Variants in TMPRSS9 observed in about 807,000 individuals in gnomAD.
The protein encoded by TMPRSS9 is transmembrane protease serine 9.
Under a neutral mutation model 111.4 loss-of-function variants are expected in TMPRSS9, and 113 were observed. The observed-to-expected ratio is 1.01, with a 90% CI of 0.87 to 1.19. The LOEUF is 1.19. Among genes scored for constraint, TMPRSS9 ranks in the 50% most tolerant of loss-of-function variants. The pLI, the probability that TMPRSS9 is intolerant of heterozygous loss-of-function variation, is 0.00. For synonymous variants in TMPRSS9, 805 were observed against 659.1 expected, an observed-to-expected ratio of 1.22 and a Z score of -3.39; for missense variants, 1,803 against 1,513.1, an observed-to-expected ratio of 1.19 and a Z score of -3.18.
At chr19:2,365,988 A>T (rs1226078413) in intron 1 of TMPRSS9, among the ~76,000 whole-genome samples, 2 of 151,762 alleles carry the variant, frequency 1.3e-5, no homozygotes, top group East Asian at 1.9e-4. Flanking sequence ...AATAATTTTA[A>T]AAAAGAGATG....
chr19:2,408,777 C>T, intron 8 of TMPRSS9, 147 bp downstream of exon 9: 3 of 996,778 alleles, frequency 3.0e-6, no homozygotes, highest in South Asian at 1.7e-5. Context: ...GCGTTTGAGA[C>T]CAGCCTGGCC....
rs368599064 is a variant in TMPRSS9, at chr19:2,416,764, C to T, written c.1972C>T (p.Arg658Trp). ...GGCCATCCAGAAGTTCCCTGTGGGC[C>T]GGAAGTGCATGATCTCCGGATGGGG... Residue 658 changes from arginine to tryptophan, a missense_variant, in exon 12 of 18, where the codon CGG becomes TGG. By Grantham distance (101) the Arg-to-Trp change is moderately radical. Coordinates refer to ENST00000648592, the Ensembl canonical transcript of TMPRSS9. The T allele has an allele frequency of 1.5e-5, 24 of 1,612,528 alleles. No homozygotes were observed. The highest frequency in any genetic ancestry group is 5.3e-5 in the African/African-American group (4 of 75,046).
At chr19:2,410,206 G>A (rs570227123) in intron 8 of TMPRSS9, 52 bp from the exon 10 acceptor site, 16 of 1,603,172 alleles carry the variant, frequency 1.0e-5, no homozygotes, top group African/African-American at 4.0e-5. Flanking sequence ...GCTCAAAGTG[G>A]CTGCCAGGGC....
At chr19:2,373,668 A>T (rs113271060) in intron 1 of TMPRSS9, among the ~76,000 whole-genome samples, 652 of 100,482 alleles carry the variant, frequency 6.5e-3, no homozygotes, top group African/African-American at 0.039. Context: ...CCCAGCTAAT[A>T]TTCGTATTTT....
upstream of TMPRSS9, among the ~76,000 whole-genome samples, chr19:2,387,409 C>T (rs1232955675): frequency 1.3e-5 from 2 of 152,064 alleles, no homozygotes; most frequent in East Asian, 1.9e-4. Flanking sequence ...GAAGGAGAAT[C>T]GCTTGAACCT....
intron 1 of TMPRSS9, among the ~76,000 whole-genome samples, chr19:2,376,514 C>T (rs1235622458): frequency 1.3e-5 from 2 of 151,944 alleles, no homozygotes; most frequent in South Asian, 4.2e-4. Context: ...GGCTGAAGTG[C>T]AGTGGCACGA....
intron 13 of TMPRSS9, among the ~76,000 whole-genome samples, chr19:2,420,975 C>A (rs902993296): frequency 6.6e-6 from 1 of 152,034 alleles, no homozygotes; most frequent in Non-Finnish European, 1.5e-5. Context: ...GAGGCCAAGG[C>A]GGGTGGATCA....
intron 6 of TMPRSS9, among the ~76,000 whole-genome samples, chr19:2,405,124 A>G (rs189183662): frequency 2.5e-4 from 38 of 152,044 alleles, no homozygotes; most frequent in African/African-American, 8.7e-4. Context: ...TAAGATAGAG[A>G]CCTTTCTCTG....
chr19:2,380,963 C>T (rs1234455390), intron 1 of TMPRSS9, among the ~76,000 whole-genome samples: 1 of 152,098 alleles, frequency 6.6e-6, no homozygotes, highest in Non-Finnish European at 1.5e-5. Context: ...TCATCACTCT[C>T]TCAGAAAACC....
chr19:2,393,728 G>A (rs1048343139), intron 1 of TMPRSS9, among the ~76,000 whole-genome samples: 23 of 151,624 alleles, frequency 1.5e-4, no homozygotes, highest in African/African-American at 5.6e-4. Context: ...GTGAAACCCT[G>A]TCTTTACTAA....
upstream of TMPRSS9, among the ~76,000 whole-genome samples, chr19:2,384,981 C>CAA (rs1340652495): frequency 0.054 from 5,310 of 99,178 alleles, 126 homozygotes; most frequent in African/African-American, 0.063. Context: ...AACTCCATCT[C>CAA]AAAAAAAAAA....
chr19:2,407,615 T>TTCTTTTTC (rs1568182960), intron 7 of TMPRSS9, among the ~76,000 whole-genome samples: 2 of 140,678 alleles, frequency 1.4e-5, no homozygotes, highest in African/African-American at 5.2e-5. Context: ...TTTCTTTTTT[T>TTCTTTTTC]TTTTTTTTTT....
intron 1 of TMPRSS9, among the ~76,000 whole-genome samples, chr19:2,383,031 C>T (rs891107580): frequency 6.6e-6 from 1 of 152,116 alleles, no homozygotes; most frequent in Non-Finnish European, 1.5e-5. Context: ...TATGGAGGGT[C>T]ACCTGCTTTA....
chr19:2,386,809 T>C (rs1284735725), upstream of TMPRSS9, among the ~76,000 whole-genome samples: 4 of 151,494 alleles, frequency 2.6e-5, no homozygotes, highest in East Asian at 5.9e-4. Flanking sequence ...CTGGCCAATA[T>C]GGTGAAACCC....
chr19:2,416,405 G>A (rs1356020581), intron 11 of TMPRSS9, 133 bp from the exon 13 acceptor site: 21 of 1,210,372 alleles, frequency 1.7e-5, no homozygotes, highest in South Asian at 4.9e-5. Context: ...CCCTGGAGCC[G>A]AAGGTCAGAG....
At chr19:2,419,365 A>C (rs937974068) in intron 13 of TMPRSS9, among the ~76,000 whole-genome samples, 1 of 149,652 alleles carries the variant, frequency 6.7e-6, no homozygotes, top group Admixed American at 6.7e-5. Flanking sequence ...CACCATGCCC[A>C]GCTAATTTTT....
chr19:2,423,810 T>G lies in TMPRSS9; in HGVS notation c.2549-279T>G, dbSNP rs898638592. Among the ~76,000 whole-genome samples the G allele has an allele frequency of 2.9e-4, 44 of 152,082 alleles. 1 individual carries two copies. The highest frequency in any genetic ancestry group is 9.7e-4 in the East Asian group (5 of 5,166). ...AGGGAACTCCTGGAAGACGGAGATG[T>G]GGGAGGCTGCCATGAGAGGGGCCTC... On this transcript the variant is annotated intron_variant, in intron 14 of 17. Coordinates refer to ENST00000648592, the Ensembl canonical transcript of TMPRSS9.
intron 13 of TMPRSS9, among the ~76,000 whole-genome samples, chr19:2,421,352 G>A (rs1333394795): frequency 2.0e-5 from 3 of 150,936 alleles, no homozygotes; most frequent in East Asian, 2.0e-4. Flanking sequence ...GCAGTGGTGC[G>A]ATCTCAGCTC....
chr19:2,425,271 G>A lies in TMPRSS9; in HGVS notation c.2983+4G>A. 3.1e-6 allele frequency: 4 copies of A among 1,274,164 alleles called. No individual in the cohort carries two copies. Among genetic ancestry groups the A allele is most frequent in the Non-Finnish European group, 4.0e-6 (4 of 1,009,306 alleles). 78.9% of individuals were successfully genotyped at this position (1,274,164 alleles called of 1,614,324 possible). On this transcript the variant is annotated splice_donor_region_variant and intron_variant, in intron 16 of 17. Transcript: ENST00000648592. ...TGGGGCTCGGTGCGCGAAGGAGGTA[G>A]GCGCGCCCGGGGCCGCGGTGGTGCG...
Sources: gnomAD v4.1 joint callset for allele counts (sites outside exome capture counted in the v4.1 genomes callset) on GRCh38, gnomAD v4.1.1 for gene constraint, MANE v1.5 for transcripts, NCBI Gene and HGNC (gene_info 2026-07-23, HGNC 2026-07-21) for gene names.